ATP5IF1: variants seen among roughly 807,000 people sequenced by gnomAD.
The protein encoded by ATP5IF1 is ATPase inhibitor, mitochondrial.
ATP5IF1 carries 12 observed loss-of-function variants against 8.5 expected under a neutral mutation model. That is an observed-to-expected ratio of 1.41 (90% CI 0.90 to 2.28). The LOEUF is 2.28. Ranked by LOEUF, ATP5IF1 falls within the 30% of genes most tolerant of loss-of-function variation. ATP5IF1 has a pLI of 0.00. For missense variants in ATP5IF1, 154 were observed against 140.2 expected (o/e 1.10, Z -0.50); for synonymous variants, 51 against 53.4 (o/e 0.96, Z 0.19).
chr1:28,237,000 A>G, intron 2 of ATP5IF1: 7 of 1,026,912 alleles, frequency 6.8e-6, no homozygotes, highest in Non-Finnish European at 8.2e-6. Flanking sequence ...TTATGGTTGG[A>G]CACCATCTTC....
chr1:28,236,235 A>G lies in ATP5IF1; in HGVS notation c.52A>G (p.Arg18Gly), dbSNP rs566616817. The G allele has an allele frequency of 1.2e-6, 2 of 1,613,988 alleles. No homozygotes were observed. The highest frequency in any genetic ancestry group is 2.2e-5 in the East Asian group (1 of 44,878). Residue 18 changes from arginine (R) to glycine (G), a missense_variant, in exon 1 of 3, where the codon AGG becomes GGG. Transcript: ENST00000335514. ...ARTWLGVWGV[R>G]TMQARGFGSD... The stretch of plus-strand genomic sequence containing the variant: ...GACGTGGCTTGGCGTGTGGGGCGTG[A>G]GGACCATGCAAGCCCGAGGCTTCGG...
At chr1:28,237,706 G>C (rs997588141) in intron 2 of ATP5IF1, 131 bp from the exon 3 acceptor site, 44 of 1,607,728 alleles carry the variant, frequency 2.7e-5, no homozygotes, top group Non-Finnish European at 3.7e-5. Context: ...TTGAGGAGTA[G>C]AAGAGGATGA....
In ATP5IF1 at chr1:28,237,370, C is replaced by G. The variant is rs78144878; in HGVS notation, c.180-467C>G. 735 of 1,042,296 alleles carry G rather than the reference C, an allele frequency of 7.1e-4. 5 individuals carry two copies. The African/African-American group carries it at 0.01, about 14-fold the overall frequency. The allele number at this position is 1,042,296 out of a possible 1,614,324, so 64.6% of individuals were successfully genotyped here. A position where few individuals can be genotyped will look rare whatever the true frequency, so the allele number is the denominator to read the frequency against. On this transcript the variant is annotated intron_variant, in intron 2 of 2. Transcript: ENST00000335514. Reference sequence around the variant, plus strand: ...CTTCTTGGAACCTAAATTGAACTGCCAAGTACTGCGCATGCAAGAGACCCT... The same window carrying G: ...CTTCTTGGAACCTAAATTGAACTGCGAAGTACTGCGCATGCAAGAGACCCT...
At chr1:28,236,501 T>A in intron 2 of ATP5IF1, 49 bp downstream of exon 2, 1 of 1,613,424 alleles carries the variant, frequency 6.2e-7, no homozygotes, top group South Asian at 1.1e-5. Flanking sequence ...CCAATGGCCT[T>A]CCAATCCTTA....
intron 2 of ATP5IF1, chr1:28,237,432 CAAAG>C (rs1647048272): frequency 8.8e-7 from 1 of 1,138,692 alleles, no homozygotes; most frequent in Non-Finnish European, 1.1e-6. Flanking sequence ...TTTCTATAGG[CAAAG>C]AAAGCTCTAG....
In ATP5IF1 at chr1:28,236,466, G is replaced by A. The variant is rs771910705; in HGVS notation, c.179+14G>A. On this transcript the variant is annotated intron_variant, in intron 2 of 2. Transcript: ENST00000335514. The stretch of plus-strand genomic sequence containing the variant: ...ACGATATTTCCGGTGAGGCTCACCG[G>A]GTCCCAAGTCCAGCCCTGGATCTCC... The A allele has an allele frequency of 1.9e-6, 3 of 1,614,150 alleles. No homozygotes were observed. The highest frequency in any genetic ancestry group is 1.7e-5 in the Admixed American group (1 of 60,028).
intron 2 of ATP5IF1, chr1:28,237,284 A>AT: frequency 1.0e-6 from 1 of 998,708 alleles, no homozygotes; most frequent in Non-Finnish European, 1.2e-6. Flanking sequence ...GAGCCCCTAC[A>AT]TTTTGTAGTT....
At chr1:28,236,530 C>G (rs759004312) in intron 2 of ATP5IF1, 78 bp downstream of exon 2, 1 of 1,601,898 alleles carries the variant, frequency 6.2e-7, no homozygotes, top group Non-Finnish European at 8.5e-7. Context: ...ATCGCCCCAC[C>G]CGTTCCTACC....
chr1:28,237,526 T>TC, intron 2 of ATP5IF1: 2 of 1,367,050 alleles, frequency 1.5e-6, no homozygotes, highest in Non-Finnish European at 1.9e-6. Flanking sequence ...CCTTTTTTTT[T>TC]CCCTAAAGGG....
chr1:28,237,488 C>T, intron 2 of ATP5IF1: 1 of 1,326,564 alleles, frequency 7.5e-7, no homozygotes, highest in Non-Finnish European at 9.6e-7. Flanking sequence ...TTTAGCTACA[C>T]CCCTTTGTCT....
chr1:28,236,307 G>A (rs1352817842), intron 1 of ATP5IF1, 37 bp downstream of exon 1: 2 of 1,614,196 alleles, frequency 1.2e-6, no homozygotes, highest in South Asian at 2.2e-5. Context: ...CAGCCCCGCG[G>A]GCGGATCCCA....
At chr1:28,237,805 A>G (rs1343437850) in intron 2 of ATP5IF1, 32 bp from the exon 3 acceptor site, 2 of 1,614,088 alleles carry the variant, frequency 1.2e-6, no homozygotes, top group African/African-American at 2.7e-5. Context: ...TGAAGGATTG[A>G]AATTAAACCC....
Position 28,236,377 on chromosome 1 carries a change from G to C in ATP5IF1, c.104G>C (p.Arg35Pro). 6.2e-7 allele frequency: 1 copy of C among 1,614,234 alleles called. No homozygotes were observed. The highest frequency in any genetic ancestry group is 8.5e-7 in the Non-Finnish European group (1 of 1,180,042). Residue 35 changes from arginine to proline, a missense_variant, in exon 2 of 3, where the codon CGG becomes CCG. Coordinates refer to ENST00000335514, the MANE Select transcript of ATP5IF1 (RefSeq NM_016311.5). ...TCTCTGCAGTCCGAGAATGTCGACC[G>C]GGGCGCGGGCTCCATCCGGGAAGCC... ...FGSDQSENVD[R>P]GAGSIREAGG...
intron 2 of ATP5IF1, 77 bp from the exon 3 acceptor site, chr1:28,237,760 G>T: frequency 6.2e-7 from 1 of 1,614,094 alleles, no homozygotes; most frequent in South Asian, 1.1e-5. Flanking sequence ...TCCTTGCTTA[G>T]ACATTACAGG....
intron 2 of ATP5IF1, 192 bp downstream of exon 2, chr1:28,236,644 T>C: frequency 6.7e-7 from 1 of 1,496,682 alleles, no homozygotes; most frequent in East Asian, 2.5e-5. Flanking sequence ...GCACTCCCAG[T>C]TACCTGCACA....
rs1038999803 is a variant in ATP5IF1 at position 28,238,055 on chromosome 1, T to C, written c.*77T>C. On this transcript the variant is annotated 3_prime_UTR_variant, in exon 3 of 3. Transcript: ENST00000335514. ...GACATGGTTCTGGTTTAACTAATAT[T>C]TGTCTGTGTGCTACTAACAGATTAT... The C allele has an allele frequency of 4.3e-6, 6 of 1,406,990 alleles. No homozygotes were observed. In the Admixed American group the frequency reaches 8.1e-5, roughly 19 times the overall value. The allele number at this position is 1,406,990 out of a possible 1,614,324, so 87.2% of individuals were successfully genotyped here. A position where few individuals can be genotyped will look rare whatever the true frequency, so the allele number is the denominator to read the frequency against.
At chr1:28,236,729 T>G in intron 2 of ATP5IF1, 1 of 1,363,130 alleles carries the variant, frequency 7.3e-7, no homozygotes, top group Non-Finnish European at 9.5e-7. Flanking sequence ...TCCTTTATCA[T>G]TACCATCTCC....
intron 2 of ATP5IF1, 34 bp downstream of exon 2, chr1:28,236,486 A>T (rs1157622552): frequency 6.2e-7 from 1 of 1,613,732 alleles, no homozygotes. Context: ...CCAGCCCTGG[A>T]TCTCCCAATG....
At chr1:28,236,510 T>C in intron 2 of ATP5IF1, 58 bp downstream of exon 2, 5 of 1,612,662 alleles carry the variant, frequency 3.1e-6, no homozygotes, top group Non-Finnish European at 4.2e-6. Context: ...TTCCAATCCT[T>C]AAACTGCCAA....
Sources: allele counts gnomAD v4.1 joint callset, GRCh38; gene constraint gnomAD v4.1.1; transcripts MANE v1.5; gene names NCBI Gene and HGNC (gene_info 2026-07-23, HGNC 2026-07-21).